The following MSTO1 variants were observed in gnomAD, a reference collection of about 807,000 sequenced individuals.
The protein encoded by MSTO1 is misato mitochondrial distribution and morphology regulator 1.
Under a neutral mutation model 55.7 loss-of-function variants are expected in MSTO1, and 24 were observed. The ratio of observed to expected loss-of-function variants is 0.43; its 90% CI spans 0.31 to 0.61. The LOEUF (loss-of-function observed/expected upper bound fraction) is 0.61. Among genes scored for constraint, MSTO1 ranks in the 20% least tolerant of loss-of-function variants. The pLI is 0.09. For missense variants in MSTO1, 363 were observed against 625.7 expected, an observed-to-expected ratio of 0.58 and a Z score of 4.48; for synonymous variants, 162 against 252.8, an observed-to-expected ratio of 0.64 and a Z score of 3.41.
chr1:155,591,659 G>A, the MSTO1 span, among the ~76,000 whole-genome samples: 17 of 151,946 alleles, frequency 1.1e-4, no homozygotes, highest in East Asian at 1.9e-4. Context: ...GCGTGGTGGC[G>A]CATGCCTGTA....
At chr1:155,587,258 T>C in the MSTO1 span, among the ~76,000 whole-genome samples, 2 of 150,654 alleles carry the variant, frequency 1.3e-5, no homozygotes, top group Non-Finnish European at 2.9e-5. Context: ...ATAGCCAACA[T>C]GGGGAAACCC....
At chr1:155,565,295 CAAA>C in the MSTO1 span, among the ~76,000 whole-genome samples, 5 of 53,568 alleles carry the variant, frequency 9.3e-5, no homozygotes, top group African/African-American at 2.1e-4. Context: ...AACTCCTTCT[CAAA>C]AAAAAAAAAA....
the MSTO1 span, among the ~76,000 whole-genome samples, chr1:155,594,156 C>A: frequency 2.6e-5 from 4 of 152,200 alleles, no homozygotes; most frequent in Admixed American, 2.6e-4. Context: ...AATCTCAGTA[C>A]TTTGGGAGAC....
chr1:155,586,759 T>C, the MSTO1 span: 1 of 456,776 alleles, frequency 2.2e-6, no homozygotes, highest in Admixed American at 2.6e-5. Flanking sequence ...CTTTTATTAT[T>C]ATTTTTTTAA....
At chr1:155,587,235 G>A in the MSTO1 span, among the ~76,000 whole-genome samples, 1 of 151,400 alleles carries the variant, frequency 6.6e-6, no homozygotes, top group Admixed American at 6.6e-5. Context: ...TGAGGTAGGA[G>A]TTCGAGACCA....
At chr1:155,602,135 G>T in the MSTO1 span, 1 of 710,434 alleles carries the variant, frequency 1.4e-6, no homozygotes, top group South Asian at 1.4e-5. Flanking sequence ...ACAGCGCTTT[G>T]ATCAACCTTT....
At chr1:155,588,701 T>G in the MSTO1 span, among the ~76,000 whole-genome samples, 2 of 152,216 alleles carry the variant, frequency 1.3e-5, no homozygotes, top group South Asian at 4.1e-4. Context: ...ACTATTTCAG[T>G]ATGGTGCTCT....
At chr1:155,586,817 G>C in the MSTO1 span, 3 of 287,072 alleles carry the variant, frequency 1.0e-5, no homozygotes, top group African/African-American at 2.2e-5. Flanking sequence ...GCGCAATCTC[G>C]GCTTGCTGCA....
the MSTO1 span, among the ~76,000 whole-genome samples, chr1:155,588,290 C>T: frequency 6.6e-6 from 1 of 151,622 alleles, no homozygotes; most frequent in African/African-American, 2.4e-5. Context: ...TGAAAAAGAC[C>T]ATTCTGCTGG....
chr1:155,571,249 G>A, the MSTO1 span, among the ~76,000 whole-genome samples: 18 of 152,234 alleles, frequency 1.2e-4, no homozygotes, highest in South Asian at 4.2e-4. Context: ...AACCCAGGAC[G>A]GCTTTGAATA....
chr1:155,606,199 T>A (rs1055736118), upstream of MSTO1, among the ~76,000 whole-genome samples: 658 of 24,060 alleles, frequency 0.027, 14 homozygotes, highest in African/African-American at 0.081. Context: ...ATGCCCAGCC[T>A]TTTTTTTTTT....
the MSTO1 span, among the ~76,000 whole-genome samples, chr1:155,586,945 G>A: frequency 6.6e-6 from 1 of 152,174 alleles, no homozygotes; most frequent in Admixed American, 6.5e-5. Context: ...ATGGGGTTTT[G>A]CCATATTGGG....
chr1:155,586,430 G>A, the MSTO1 span, among the ~76,000 whole-genome samples: 1 of 151,944 alleles, frequency 6.6e-6, no homozygotes, highest in South Asian at 2.1e-4. Context: ...TTGTAATGAG[G>A]TTGAAAAATA....
At chr1:155,586,204 C>CTTTTTTT in the MSTO1 span, among the ~76,000 whole-genome samples, 14 of 127,074 alleles carry the variant, frequency 1.1e-4, no homozygotes, top group South Asian at 2.5e-4. Context: ...CTCTCTCTGT[C>CTTTTTTT]TTTTTTTTTT....
chr1:155,591,359 G>T, the MSTO1 span: 1 of 921,518 alleles, frequency 1.1e-6, no homozygotes, highest in Non-Finnish European at 1.6e-6. Context: ...TTCTAGATTG[G>T]CCCACAAATG....
chr1:155,606,198 CTTTTTTTTTTTTT>C (rs747681932), upstream of MSTO1, among the ~76,000 whole-genome samples: 30 of 28,106 alleles, frequency 1.1e-3, no homozygotes, highest in South Asian at 7.3e-3. Flanking sequence ...CATGCCCAGC[CTTTTTTTTTTTTT>C]TTTTTTTTTT....
chr1:155,570,565 AG>A, the MSTO1 span, among the ~76,000 whole-genome samples: 2 of 152,184 alleles, frequency 1.3e-5, no homozygotes, highest in African/African-American at 2.4e-5. Flanking sequence ...TTATCTTATA[AG>A]CGTTTTATCA....
the MSTO1 span, among the ~76,000 whole-genome samples, chr1:155,597,591 C>A: frequency 6.6e-6 from 1 of 151,078 alleles, no homozygotes; most frequent in Non-Finnish European, 1.5e-5. Flanking sequence ...CTCACTGCAA[C>A]CTCCGCCTCC....
chr1:155,575,424 C>T, the MSTO1 span, among the ~76,000 whole-genome samples: 1 of 151,952 alleles, frequency 6.6e-6, no homozygotes, highest in African/African-American at 2.4e-5. Flanking sequence ...TGGAGAAATG[C>T]CTGCTCAAAT....
Sources: gnomAD v4.1 joint callset for allele counts (sites outside exome capture counted in the v4.1 genomes callset) on GRCh38, gnomAD v4.1.1 for gene constraint, MANE v1.5 for transcripts, NCBI Gene and HGNC (gene_info 2026-07-23, HGNC 2026-07-21) for gene names.